HECTD4: variants seen among roughly 807,000 people sequenced by gnomAD.
HECTD4 encodes the protein probable E3 ubiquitin-protein ligase HECTD4.
In HECTD4, 114 loss-of-function variants were observed where a neutral mutation model predicts 471.5. That is an observed-to-expected ratio of 0.24 (90% CI 0.21 to 0.28). The LOEUF (loss-of-function observed/expected upper bound fraction) is 0.28, where lower values mean the gene tolerates loss of function less well. Among genes scored for constraint, HECTD4 ranks in the 10% least tolerant of loss-of-function variants. The pLI, the probability that HECTD4 is intolerant of heterozygous loss-of-function variation, is 1.00. For missense variants in HECTD4, 3,866 were observed against 5,651.5 expected, an observed-to-expected ratio of 0.68 and a Z score of 10.13; for synonymous variants, 2,012 against 2,256.0, an observed-to-expected ratio of 0.89 and a Z score of 3.07.
intron 65 of HECTD4, among the ~76,000 whole-genome samples, chr12:112,176,326 C>T (rs2031445604): frequency 6.6e-6 from 1 of 152,234 alleles, no homozygotes; most frequent in Admixed American, 6.5e-5. Context: ...TTATCCTGGG[C>T]ATGCGGTGTT....
In HECTD4 at chr12:112,179,116, G is replaced by C; in HGVS notation, c.11212-34C>G. On this transcript the variant is annotated intron_variant, in intron 63 of 75. Transcript: ENST00000682272. This position sits in a 1 kb window ranked among gnomAD's most constrained non-coding sequence, Gnocchi z 4.3. ...CACAGAGGCAGCGGGGAGGCTCTCA[G>C]GTTCGCCCTGCAGGGCACCCAAGGC... 2 of 1,613,738 alleles carry C rather than the reference G, an allele frequency of 1.2e-6. No homozygotes were observed. The highest frequency in any genetic ancestry group is 1.7e-6 in the Non-Finnish European group (2 of 1,179,828).
intron 10 of HECTD4, 110 bp downstream of exon 10, chr12:112,274,737 G>A (rs1435570950): frequency 2.9e-6 from 2 of 686,376 alleles, no homozygotes; most frequent in South Asian, 1.8e-5. Context: ...AACAAAAAAC[G>A]TCTTTCTTTT....
At chr12:112,345,190 C>T (rs2036125677) in intron 1 of HECTD4, among the ~76,000 whole-genome samples, 1 of 151,680 alleles carries the variant, frequency 6.6e-6, no homozygotes, top group African/African-American at 2.4e-5. Context: ...GAGGTTGAGG[C>T]TGCAGTAAGC....
intron 1 of HECTD4, chr12:112,322,028 C>G (rs1369219303): frequency 1.3e-5 from 2 of 150,050 alleles, no homozygotes; most frequent in East Asian, 2.0e-4. Context: ...CCCAGGAGTT[C>G]GAGGCTGTAG....
chr12:112,323,250 C>T (rs1048942007), intron 1 of HECTD4, among the ~76,000 whole-genome samples: 4 of 151,980 alleles, frequency 2.6e-5, no homozygotes, highest in African/African-American at 9.7e-5. Flanking sequence ...GAGCAAGGGT[C>T]GAATGCAGAT....
At chr12:112,249,368 A>G (rs1236508074) in intron 25 of HECTD4, among the ~76,000 whole-genome samples, 3 of 151,940 alleles carry the variant, frequency 2.0e-5, no homozygotes, top group Admixed American at 6.6e-5. Flanking sequence ...AAAAAAAAAA[A>G]AGAGACTTCA....
intron 3 of HECTD4, among the ~76,000 whole-genome samples, chr12:112,313,870 T>C (rs1047435454): frequency 1.3e-5 from 2 of 152,198 alleles, no homozygotes; most frequent in Non-Finnish European, 2.9e-5. Context: ...TTTATGTGTA[T>C]TTTTGTGTGT....
chr12:112,369,855 T>G (rs569927399), intron 1 of HECTD4, among the ~76,000 whole-genome samples: 25 of 152,280 alleles, frequency 1.6e-4, no homozygotes, highest in African/African-American at 6.0e-4. Context: ...CATGCAAGAA[T>G]CTGTACTGAA....
intron 14 of HECTD4, 89 bp from the exon 15 acceptor site, chr12:112,266,072 T>C (rs187235051): frequency 2.2e-6 from 2 of 907,748 alleles, no homozygotes; most frequent in Non-Finnish European, 3.4e-6. Context: ...ACAAATAGAT[T>C]GTCGGCAAGC....
At chr12:112,207,212 C>T (rs988749795) in intron 52 of HECTD4, among the ~76,000 whole-genome samples, 5 of 152,146 alleles carry the variant, frequency 3.3e-5, no homozygotes, top group Non-Finnish European at 5.9e-5. Flanking sequence ...GGCACAATCT[C>T]GGCTCACTGC....
At chr12:112,247,152 A>C in intron 28 of HECTD4, 76 bp from the exon 29 acceptor site, 1 of 1,229,178 alleles carries the variant, frequency 8.1e-7, no homozygotes, top group South Asian at 1.4e-5. Context: ...AATGTTTACA[A>C]AGAATAAGAG....
chr12:112,207,104 A>G (rs1310165004), intron 52 of HECTD4, among the ~76,000 whole-genome samples: 1 of 146,892 alleles, frequency 6.8e-6, no homozygotes, highest in Non-Finnish European at 1.5e-5. Context: ...TTGTTTATGT[A>G]TATGTGTGTG....
At chr12:112,287,085 C>A (rs949739868) in intron 7 of HECTD4, among the ~76,000 whole-genome samples, 1 of 152,162 alleles carries the variant, frequency 6.6e-6, no homozygotes, top group African/African-American at 2.4e-5. Context: ...TGGATGGCTT[C>A]TTATCATTCA....
chr12:112,174,382 C>T (rs1458120440), intron 66 of HECTD4, among the ~76,000 whole-genome samples: 2 of 151,740 alleles, frequency 1.3e-5, no homozygotes, highest in Admixed American at 6.6e-5. Context: ...TCTCCTGCCT[C>T]AGCCTCCTGA....
rs1209986611 is a variant in HECTD4, at chr12:112,319,387, T to A, written c.533A>T (p.Asp178Val). The stretch of plus-strand genomic sequence containing the variant: ...CTTGGTCAAGCTCAAAGGCTGGCAG[T>A]CACGAAGGCAGTTCAATAGCACCTC... ...TAEVLLNCLR[D>V]CQPLSLTKEP... Residue 178 changes from aspartate to valine, a missense_variant, in exon 2 of 76, where the codon GAC (aspartate) becomes GTC (valine). Physicochemically the swap from Asp to Val is radical, Grantham distance 152. This residue lies in a region of HECTD4 where 440 missense variants were observed against 636.0 expected (regional missense o/e 0.69). Transcript: ENST00000682272. This position sits in a 1 kb window ranked among gnomAD's most constrained non-coding sequence, Gnocchi z 5.3. The A allele has an allele frequency of 3.3e-6, 5 of 1,536,078 alleles. No individual in the cohort carries two copies. Among genetic ancestry groups the A allele is most frequent in the Non-Finnish European group, 4.4e-6 (5 of 1,146,890 alleles).
chr12:112,300,053 C>T (rs1217836059), intron 7 of HECTD4, among the ~76,000 whole-genome samples: 1 of 152,148 alleles, frequency 6.6e-6, no homozygotes, highest in Non-Finnish European at 1.5e-5. Flanking sequence ...CAGTGGCTCA[C>T]GCCTACAAGT....
At position 112,179,607 on chromosome 12, in the gene HECTD4, T is replaced by C. The variant is rs1036694457; in HGVS notation, c.10988-210A>G. ...GCCGTAAGGTGCGGCCCTGCAACCGTGGTCACTGTGGGATGTGAGCCACAT... is the reference window on the plus strand; with the variant it reads ...GCCGTAAGGTGCGGCCCTGCAACCGCGGTCACTGTGGGATGTGAGCCACAT... On this transcript the variant is annotated intron_variant, in intron 62 of 75. Coordinates refer to ENST00000682272, the MANE Select transcript of HECTD4 (RefSeq NM_001388303.1). This position sits in a 1 kb window ranked among gnomAD's most constrained non-coding sequence, Gnocchi z 4.3. Among the ~76,000 whole-genome samples the C allele has an allele frequency of 1.3e-5, 2 of 152,218 alleles. No homozygotes were observed. The highest frequency in any genetic ancestry group is 6.5e-5 in the Admixed American group (1 of 15,284).
rs1047532805 is a variant in HECTD4 at position 112,284,471 on chromosome 12, A to G, written c.1336-1169T>C. On this transcript the variant is annotated intron_variant, in intron 7 of 75. Coordinates refer to ENST00000682272, the MANE Select transcript of HECTD4 (RefSeq NM_001388303.1). ...CCACAGGGAAAGGTTGGTAACACAG[A>G]AGGGGCAAGAGAAAGTGAGTAAACT... 5.3e-5 allele frequency among the ~76,000 whole-genome samples: 8 copies of G among 152,362 alleles called. No individual in the cohort carries two copies. In the South Asian group the frequency reaches 1.0e-3, roughly 20 times the overall value.
intron 1 of HECTD4, among the ~76,000 whole-genome samples, chr12:112,334,609 A>G (rs1393735910): frequency 1.3e-5 from 2 of 148,248 alleles, no homozygotes; most frequent in East Asian, 3.9e-4. Flanking sequence ...CCTGGTCAAC[A>G]CAGTAACCCC....
Sources: gnomAD v4.1 joint callset for allele counts (sites outside exome capture counted in the v4.1 genomes callset) on GRCh38, gnomAD v4.1.1 for gene constraint, gnomAD v4.1.1 regional missense constraint, Gnocchi (gnomAD v3.1) non-coding constraint, MANE v1.5 for transcripts, NCBI Gene and HGNC (gene_info 2026-07-23, HGNC 2026-07-21) for gene names.